CA10: variants seen among roughly 807,000 people sequenced by gnomAD.
CA10 encodes the protein carbonic anhydrase 10 (inactive), also known as carbonic anhydrase-related protein 10.
CA10 carries 14 observed loss-of-function variants against 44.2 expected under a neutral mutation model. The ratio of observed to expected loss-of-function variants is 0.32; its 90% CI spans 0.21 to 0.50. The LOEUF (loss-of-function observed/expected upper bound fraction) is 0.50. Ranked by LOEUF, CA10 falls within the 20% of genes least tolerant of loss-of-function variation. The pLI is 0.99. For missense variants in CA10, 350 were observed against 409.7 expected, an observed-to-expected ratio of 0.85 and a Z score of 1.26; for synonymous variants, 159 against 141.6, an observed-to-expected ratio of 1.12 and a Z score of -0.87.
At chr17:52,014,222 A>C (rs1036316122) in intron 2 of CA10, among the ~76,000 whole-genome samples, 1 of 151,988 alleles carries the variant, frequency 6.6e-6, no homozygotes, top group African/African-American at 2.4e-5. Flanking sequence ...CAAGTGTAGA[A>C]ATATAAGGAA....
At chr17:51,643,749 T>A (rs1432635712) in intron 6 of CA10, among the ~76,000 whole-genome samples, 1 of 152,194 alleles carries the variant, frequency 6.6e-6, no homozygotes, top group Non-Finnish European at 1.5e-5. Flanking sequence ...ACCTGCCTCC[T>A]CCCCTGAGGG....
intron 8 of CA10, among the ~76,000 whole-genome samples, chr17:51,633,129 G>A (rs1369003026): frequency 6.6e-6 from 1 of 152,014 alleles, no homozygotes. Flanking sequence ...TGTCTTGCCT[G>A]ATCTACAGGG....
chr17:51,878,143 CAAAAAA>C (rs558014863), intron 3 of CA10, among the ~76,000 whole-genome samples: 15 of 63,686 alleles, frequency 2.4e-4, no homozygotes, highest in African/African-American at 8.5e-4. Context: ...GACTCCGTCT[CAAAAAA>C]AAAAAAAAAA....
At chr17:52,019,679 C>G (rs948043093) in intron 2 of CA10, among the ~76,000 whole-genome samples, 3 of 152,002 alleles carry the variant, frequency 2.0e-5, no homozygotes, top group African/African-American at 7.2e-5. Flanking sequence ...CACCAAAAAT[C>G]TAGGTCCTAC....
chr17:51,832,338 C>T (rs1908314381), intron 3 of CA10, among the ~76,000 whole-genome samples: 1 of 152,166 alleles, frequency 6.6e-6, no homozygotes, highest in Admixed American at 6.5e-5. Flanking sequence ...GGGAGGGTGA[C>T]TGACAACACA....
Position 51,890,717 on chromosome 17 carries a change from T to G in CA10, c.279+40273A>C, listed in dbSNP as rs192637652. On this transcript the variant is annotated intron_variant, in intron 3 of 8. Transcript: ENST00000451037. Reference sequence around the variant, plus strand: ...TTTCAAACCCGTAAAAAATATTTATTGGGTCACTAGTATATATAGTGCACT... The same window carrying G: ...TTTCAAACCCGTAAAAAATATTTATGGGGTCACTAGTATATATAGTGCACT... 5.9e-5 allele frequency among the ~76,000 whole-genome samples: 9 copies of G among 152,292 alleles called. No homozygotes were observed. In the East Asian group the frequency reaches 1.7e-3, roughly 29 times the overall value.
At chr17:51,663,487 A>G (rs903548681) in intron 4 of CA10, among the ~76,000 whole-genome samples, 17 of 151,740 alleles carry the variant, frequency 1.1e-4, no homozygotes, top group African/African-American at 3.9e-4. Flanking sequence ...AACACAGGGC[A>G]TGGATGAGGA....
At chr17:51,789,660 C>A (rs1906434136) in intron 3 of CA10, among the ~76,000 whole-genome samples, 1 of 152,192 alleles carries the variant, frequency 6.6e-6, no homozygotes. Flanking sequence ...ACATATCCTC[C>A]CTTCCTTGGG....
At chr17:51,656,399 G>C (rs950611520) in intron 4 of CA10, among the ~76,000 whole-genome samples, 4 of 152,204 alleles carry the variant, frequency 2.6e-5, no homozygotes, top group Non-Finnish European at 5.9e-5. Flanking sequence ...TTAAGCTTGA[G>C]TTAACACATT....
At chr17:51,970,280 G>T (rs1158245277) in intron 2 of CA10, among the ~76,000 whole-genome samples, 1 of 151,360 alleles carries the variant, frequency 6.6e-6, no homozygotes, top group Non-Finnish European at 1.5e-5. Context: ...TGAGAGTGTG[G>T]ATTAAAAATA....
intron 1 of CA10, among the ~76,000 whole-genome samples, chr17:52,114,743 C>T (rs1988855479): frequency 6.6e-6 from 1 of 152,058 alleles, no homozygotes; most frequent in Non-Finnish European, 1.5e-5. Context: ...GTATCTTACC[C>T]CACTCCTTCC....
At chr17:51,972,694 A>G (rs1984324224) in intron 2 of CA10, among the ~76,000 whole-genome samples, 1 of 152,196 alleles carries the variant, frequency 6.6e-6, no homozygotes, top group African/African-American at 2.4e-5. Flanking sequence ...AAAGTGAAAT[A>G]TCTAGCATAG....
chr17:52,070,642 CAATT>C (rs1304373818), intron 2 of CA10: 1 of 152,092 alleles, frequency 6.6e-6, no homozygotes, highest in Non-Finnish European at 1.5e-5. Flanking sequence ...TATATTATCT[CAATT>C]AAATTTGAGA....
At chr17:51,760,327 C>T (rs1433731605) in intron 3 of CA10, among the ~76,000 whole-genome samples, 1 of 152,184 alleles carries the variant, frequency 6.6e-6, no homozygotes, top group Non-Finnish European at 1.5e-5. Context: ...ATTTATTTCC[C>T]ATGGTGTCCT....
chr17:51,663,040 A>AT (rs1230858956), intron 4 of CA10, among the ~76,000 whole-genome samples: 2 of 152,134 alleles, frequency 1.3e-5, no homozygotes, highest in South Asian at 2.1e-4. Flanking sequence ...CCCTCTGATT[A>AT]TTTCTTTATG....
At chr17:51,917,099 C>G (rs956799581) in intron 3 of CA10, among the ~76,000 whole-genome samples, 1 of 152,128 alleles carries the variant, frequency 6.6e-6, no homozygotes, top group African/African-American at 2.4e-5. Context: ...GTGCTGTGTG[C>G]TGATAAATCT....
chr17:51,659,528 T>C (rs1283723706), intron 4 of CA10, among the ~76,000 whole-genome samples: 3 of 152,172 alleles, frequency 2.0e-5, no homozygotes, highest in Non-Finnish European at 4.4e-5. Flanking sequence ...TCAAAATACT[T>C]TGCAACCAAA....
chr17:51,835,594 T>G (rs1174752602), intron 3 of CA10, among the ~76,000 whole-genome samples: 1 of 152,196 alleles, frequency 6.6e-6, no homozygotes, highest in Non-Finnish European at 1.5e-5. Context: ...TATCTTTCGA[T>G]TCAACAAAAT....
chr17:52,048,460 G>A (rs1986973768), intron 2 of CA10, among the ~76,000 whole-genome samples: 1 of 152,016 alleles, frequency 6.6e-6, no homozygotes. Flanking sequence ...TCTAGGACTT[G>A]ACAGTCTGTA....
Sources: gnomAD v4.1 joint callset for allele counts (sites outside exome capture counted in the v4.1 genomes callset) on GRCh38, gnomAD v4.1.1 for gene constraint, MANE v1.5 for transcripts, NCBI Gene and HGNC (gene_info 2026-07-23, HGNC 2026-07-21) for gene names.